Variants in HENMT1 observed in about 807,000 individuals in gnomAD.
The protein encoded by HENMT1 is small RNA 2'-O-methyltransferase.
HENMT1 carries 27 observed loss-of-function variants against 31.1 expected under a neutral mutation model. The ratio of observed to expected loss-of-function variants is 0.87; its 90% CI spans 0.64 to 1.20. The LOEUF is 1.20. Ranked by LOEUF, HENMT1 falls within the 50% of genes most tolerant of loss-of-function variation. The pLI is 0.00. For synonymous variants in HENMT1, 167 were observed against 172.2 expected (o/e 0.97, Z 0.24); for missense variants, 438 against 469.6 (o/e 0.93, Z 0.62).
Position 108,648,892 on chromosome 1 carries a change from G to A in HENMT1, c.856C>T (p.His286Tyr), listed in dbSNP as rs753660942. The stretch of plus-strand genomic sequence containing the variant: ...GCCTGTTCTTTCCGCCTTGGCAGGT[G>A]GCTCACTCTTAAGCTTTCCACTTGT... ...SQQVESLRVS[H>Y]LPRRKEQAGE... The change falls in exon 8 of 8, where the codon CAC becomes TAC. Residue 286 changes from histidine (H) to tyrosine (Y), a missense_variant. By Grantham distance (83) the His-to-Tyr change is moderately conservative (BLOSUM62 2). Transcript: ENST00000651461. The A allele has an allele frequency of 3.1e-6, 5 of 1,614,054 alleles. No homozygotes were observed.
At position 108,648,363 on chromosome 1, in the gene HENMT1, A is replaced by C; in HGVS notation, c.*203T>G. The C allele has an allele frequency of 3.7e-6, 2 of 544,824 alleles. No individual in the cohort carries two copies. Among genetic ancestry groups the C allele is most frequent in the South Asian group, 5.2e-5 (2 of 38,196 alleles). The allele number at this position is 544,824 out of a possible 1,614,324, so 33.7% of individuals were successfully genotyped here. ...AAAAAGTCCAAAATCAAAGGAAAGC[A>C]CCCGTTTTAAACCCTCATATCTTTC... On this transcript the variant is annotated 3_prime_UTR_variant, in exon 8 of 8. Coordinates refer to ENST00000651461, the MANE Select transcript of HENMT1 (RefSeq NM_001102592.2).
rs1442426799 is a variant in HENMT1 at position 108,648,750 on chromosome 1, A to C, written c.998T>G (p.Phe333Cys). ...TACGAAAAATTTATCTCCAACACAG[A>C]AGGGTGTGGGAGAGTTCTCTATCTT... The part of the protein sequence containing the change: ...KAKIENSPTP[F>C]CVGDKFFVPL... Residue 333 changes from phenylalanine to cysteine, a missense_variant, in exon 8 of 8, where the codon TTC (phenylalanine) becomes TGC (cysteine). Physicochemically the swap from Phe to Cys is radical, Grantham distance 205. Coordinates refer to ENST00000651461, the MANE Select transcript of HENMT1 (RefSeq NM_001102592.2). 7.4e-6 allele frequency: 12 copies of C among 1,614,020 alleles called. No individual in the cohort carries two copies. Among genetic ancestry groups the C allele is most frequent in the Non-Finnish European group, 1.0e-5 (12 of 1,180,010 alleles).
chr1:108,650,629 T>C (rs753091744), intron 6 of HENMT1, among the ~76,000 whole-genome samples: 2 of 152,114 alleles, frequency 1.3e-5, no homozygotes, highest in African/African-American at 2.4e-5. Flanking sequence ...ATGGGCAGGG[T>C]GTAGGGGTGG....
chr1:108,653,079 T>C (rs1445198862), intron 5 of HENMT1, among the ~76,000 whole-genome samples: 1 of 149,654 alleles, frequency 6.7e-6, no homozygotes, highest in Non-Finnish European at 1.5e-5. Context: ...AATGGCGTGA[T>C]CTTGGCTCAC....
chr1:108,649,301 A>C (rs1298851983), intron 7 of HENMT1: 1 of 497,972 alleles, frequency 2.0e-6, no homozygotes, highest in South Asian at 1.5e-5. Flanking sequence ...AAAATGGTTC[A>C]GTTAAAAGGG....
intron 7 of HENMT1, chr1:108,649,370 G>A (rs1189093465): frequency 2.2e-6 from 1 of 459,988 alleles, no homozygotes; most frequent in East Asian, 6.9e-5. Context: ...GGAAGATGGG[G>A]CAGGAGGATT....
chr1:108,652,404 A>G (rs1658083612), intron 5 of HENMT1, among the ~76,000 whole-genome samples: 2 of 152,368 alleles, frequency 1.3e-5, no homozygotes, highest in African/African-American at 4.8e-5. Context: ...AGTTATATTT[A>G]GGGAAAAAGA....
chr1:108,652,737 G>A (rs1658092679), intron 5 of HENMT1, among the ~76,000 whole-genome samples: 1 of 152,078 alleles, frequency 6.6e-6, no homozygotes, highest in Non-Finnish European at 1.5e-5. Context: ...GAGGTCAGGG[G>A]TTCAAGACCA....
chr1:108,650,791 ATGCCAG>A (rs1658029347), intron 6 of HENMT1, among the ~76,000 whole-genome samples: 1 of 152,142 alleles, frequency 6.6e-6, no homozygotes, highest in African/African-American at 2.4e-5. Flanking sequence ...CCTCATCTCC[ATGCCAG>A]TACTACAGAT....
At chr1:108,652,818 C>A (rs529363919) in intron 5 of HENMT1, among the ~76,000 whole-genome samples, 65 of 151,980 alleles carry the variant, frequency 4.3e-4, no homozygotes, top group African/African-American at 1.5e-3. Context: ...GTGGCAGGCA[C>A]CTGTAATCCC....
At chr1:108,660,566 A>G (rs1257866178) in intron 1 of HENMT1, among the ~76,000 whole-genome samples, 1 of 152,214 alleles carries the variant, frequency 6.6e-6, no homozygotes, top group Non-Finnish European at 1.5e-5. Context: ...TCTCTATTGC[A>G]CATGTGTCTC....
rs188889778 is a variant in HENMT1, at chr1:108,652,972, T to A, written c.398+1744A>T. On this transcript the variant is annotated intron_variant, in intron 5 of 7. Transcript: ENST00000651461. Reference sequence around the variant, plus strand: ...TTTCACTTAATGCCCTCCAGGTTCATCCATGACAATTTCATTCCTTTTTTA... The same window carrying A: ...TTTCACTTAATGCCCTCCAGGTTCAACCATGACAATTTCATTCCTTTTTTA... Among the ~76,000 whole-genome samples, 6 of 151,782 alleles carry A rather than the reference T, an allele frequency of 4.0e-5. No individual in the cohort carries two copies. In the East Asian group the frequency reaches 1.2e-3, roughly 30 times the overall value.
chr1:108,660,671 T>A (rs914080298), intron 1 of HENMT1, among the ~76,000 whole-genome samples: 1 of 152,108 alleles, frequency 6.6e-6, no homozygotes, highest in Admixed American at 6.5e-5. Flanking sequence ...ACGCCTGTAA[T>A]CCCAGCACTT....
intron 5 of HENMT1, among the ~76,000 whole-genome samples, chr1:108,654,154 G>C (rs1176372635): frequency 6.6e-6 from 1 of 152,140 alleles, no homozygotes. Flanking sequence ...TTTTGCCAAT[G>C]TATGTTCTTG....
At chr1:108,658,787 A>G (rs1260447495) in intron 2 of HENMT1, among the ~76,000 whole-genome samples, 2 of 149,876 alleles carry the variant, frequency 1.3e-5, no homozygotes, top group Admixed American at 1.3e-4. Flanking sequence ...AACAGTCCTC[A>G]ATAAAGTCAG....
intron 3 of HENMT1, among the ~76,000 whole-genome samples, chr1:108,655,916 T>C (rs563072432): frequency 1.3e-5 from 2 of 149,698 alleles, no homozygotes; most frequent in South Asian, 2.1e-4. Flanking sequence ...TATAAGCCCA[T>C]AGGCAAATTT....
chr1:108,648,711 A>G lies in HENMT1; in HGVS notation c.1037T>C (p.Leu346Pro). ...GCGGTTCAACTTGGGATACGCAAGGAGTCTCTGCAGAGGTACGAAAAATTT... is the reference window on the plus strand; with the variant it reads ...GCGGTTCAACTTGGGATACGCAAGGGGTCTCTGCAGAGGTACGAAAAATTT... ...GDKFFVPLQR[L>P]LAYPKLNRLC... The change falls in exon 8 of 8, where the codon CTC becomes CCC. Residue 346 changes from leucine (L) to proline (P), a missense_variant. Coordinates refer to ENST00000651461, the MANE Select transcript of HENMT1 (RefSeq NM_001102592.2). 22 of 1,614,222 alleles carry G rather than the reference A, an allele frequency of 1.4e-5. No homozygotes were observed. The highest frequency in any genetic ancestry group is 1.9e-5 in the Non-Finnish European group (22 of 1,180,044).
At chr1:108,650,129 T>A in intron 7 of HENMT1, 82 bp downstream of exon 7, 1 of 1,214,776 alleles carries the variant, frequency 8.2e-7, no homozygotes, top group East Asian at 2.3e-5. Context: ...TCATCTCTAC[T>A]TTGGGGATTC....
intron 2 of HENMT1, among the ~76,000 whole-genome samples, chr1:108,658,058 CACAT>C (rs1320574335): frequency 0.02 from 2,601 of 127,530 alleles, 95 homozygotes; most frequent in African/African-American, 0.075. Context: ...CACACACACA[CACAT>C]ATATATGTAC....
Sources: allele counts gnomAD v4.1 joint callset (sites outside exome capture counted in the v4.1 genomes callset), GRCh38; gene constraint gnomAD v4.1.1; transcripts MANE v1.5; gene names NCBI Gene and HGNC (gene_info 2026-07-23, HGNC 2026-07-21).